Variants in MRPL1 observed in about 807,000 individuals in gnomAD.
MRPL1 encodes the protein large ribosomal subunit protein uL1m.
Under a neutral mutation model 38.0 loss-of-function variants are expected in MRPL1, and 28 were observed. That is an observed-to-expected ratio of 0.74 (90% CI 0.55 to 1.01). The LOEUF is 1.01. Ranked by LOEUF, MRPL1 falls within the 50% of genes least tolerant of loss-of-function variation. MRPL1 has a pLI of 0.00. For missense variants in MRPL1, 358 were observed against 389.8 expected (o/e 0.92, Z 0.69); for synonymous variants, 123 against 126.7 (o/e 0.97, Z 0.20).
intron 3 of MRPL1, among the ~76,000 whole-genome samples, chr4:77,884,211 C>T (rs868713517): frequency 1.7e-4 from 26 of 150,338 alleles, no homozygotes; most frequent in Middle Eastern, 3.4e-3. Context: ...CACCACTGCA[C>T]TCCAGCCTGG....
At chr4:77,884,206 C>T (rs1309017531) in intron 3 of MRPL1, among the ~76,000 whole-genome samples, 9 of 149,818 alleles carry the variant, frequency 6.0e-5, no homozygotes, top group Non-Finnish European at 1.0e-4. Context: ...GGTCGCACCA[C>T]TGCACTCCAG....
intron 7 of MRPL1, among the ~76,000 whole-genome samples, chr4:77,914,032 T>C (rs74915926): frequency 7.9e-5 from 12 of 152,192 alleles, no homozygotes; most frequent in Non-Finnish European, 2.9e-5. Context: ...TGTTATGTTA[T>C]TCTGACTGGT....
intron 1 of MRPL1, among the ~76,000 whole-genome samples, chr4:77,865,650 A>G (rs1470608956): frequency 6.6e-6 from 1 of 152,138 alleles, no homozygotes; most frequent in Non-Finnish European, 1.5e-5. Flanking sequence ...ACAGGCTCTG[A>G]GCCACTGCAC....
At chr4:77,874,972 G>C (rs1448890658) in intron 2 of MRPL1, among the ~76,000 whole-genome samples, 1 of 151,508 alleles carries the variant, frequency 6.6e-6, no homozygotes, top group Non-Finnish European at 1.5e-5. Flanking sequence ...ATTTTTAGTA[G>C]AGATGGGGTT....
At chr4:77,944,227 G>A (rs1737201796) in intron 7 of MRPL1, among the ~76,000 whole-genome samples, 1 of 152,178 alleles carries the variant, frequency 6.6e-6, no homozygotes, top group Admixed American at 6.5e-5. Context: ...AGAGTACTAT[G>A]ATGTGAACTG....
intron 3 of MRPL1, among the ~76,000 whole-genome samples, chr4:77,884,444 C>G (rs1370178661): frequency 6.6e-6 from 1 of 152,192 alleles, no homozygotes; most frequent in Non-Finnish European, 1.5e-5. Flanking sequence ...TGTAAAATCT[C>G]CCTGAGAGAT....
At chr4:77,905,496 C>CAAAAAA (rs374398968) in intron 6 of MRPL1, among the ~76,000 whole-genome samples, 12 of 63,360 alleles carry the variant, frequency 1.9e-4, no homozygotes, top group East Asian at 1.2e-3. Flanking sequence ...GACTCCGTCT[C>CAAAAAA]AAAAAAAAAA....
intron 7 of MRPL1, among the ~76,000 whole-genome samples, chr4:77,942,134 A>C (rs1373333330): frequency 6.6e-6 from 1 of 152,126 alleles, no homozygotes; most frequent in East Asian, 1.9e-4. Context: ...TGTTAACCCT[A>C]TCATCATTCA....
intron 1 of MRPL1, among the ~76,000 whole-genome samples, chr4:77,863,402 C>T (rs1735049035): frequency 6.7e-6 from 1 of 150,038 alleles, no homozygotes; most frequent in Non-Finnish European, 1.5e-5. Context: ...GGTAGCGCCT[C>T]TTTTCATCTT....
At chr4:77,893,744 G>A (rs573662412) in intron 5 of MRPL1, among the ~76,000 whole-genome samples, 17 of 152,148 alleles carry the variant, frequency 1.1e-4, no homozygotes, top group South Asian at 4.2e-4. Flanking sequence ...GCAGTTAGTG[G>A]TTATTAATTT....
At chr4:77,907,646 C>G (rs895354615) in intron 6 of MRPL1, among the ~76,000 whole-genome samples, 2 of 151,900 alleles carry the variant, frequency 1.3e-5, no homozygotes, top group African/African-American at 4.8e-5. Flanking sequence ...CTCACTGCAA[C>G]CTCCGCCTCC....
chr4:77,898,685 G>C (rs1449107332), intron 6 of MRPL1, among the ~76,000 whole-genome samples: 1 of 151,764 alleles, frequency 6.6e-6, no homozygotes, highest in Non-Finnish European at 1.5e-5. Context: ...GTAGAGATGG[G>C]GTTTCACCAT....
At chr4:77,901,680 T>C (rs1736039036) in intron 6 of MRPL1, among the ~76,000 whole-genome samples, 1 of 152,208 alleles carries the variant, frequency 6.6e-6, no homozygotes, top group African/African-American at 2.4e-5. Context: ...ATAATAAGAC[T>C]CATCTTAAAG....
At chr4:77,932,633 T>C in intron 7 of MRPL1, among the ~76,000 whole-genome samples, 1 of 151,360 alleles carries the variant, frequency 6.6e-6, no homozygotes, top group Non-Finnish European at 1.5e-5. Flanking sequence ...ACACTTCAGG[T>C]GTGACTGTCT....
At chr4:77,924,445 C>T (rs1490758475) in intron 7 of MRPL1, among the ~76,000 whole-genome samples, 1 of 152,146 alleles carries the variant, frequency 6.6e-6, no homozygotes, top group East Asian at 1.9e-4. Context: ...TGACTGGACC[C>T]ATCTTTCACT....
intron 6 of MRPL1, among the ~76,000 whole-genome samples, chr4:77,907,966 C>T (rs572069390): frequency 8.7e-5 from 13 of 149,926 alleles, no homozygotes; most frequent in Middle Eastern, 3.4e-3. Flanking sequence ...GGCTCATTCT[C>T]GGCTCACTAC....
At chr4:77,869,147 G>A (rs369655126) in intron 1 of MRPL1, among the ~76,000 whole-genome samples, 3 of 152,252 alleles carry the variant, frequency 2.0e-5, no homozygotes, top group South Asian at 2.1e-4. Context: ...GGATTATAGA[G>A]TCAGGTGAGA....
intron 5 of MRPL1, among the ~76,000 whole-genome samples, chr4:77,891,605 C>T (rs1735808799): frequency 6.6e-6 from 1 of 152,212 alleles, no homozygotes; most frequent in Non-Finnish European, 1.5e-5. Context: ...ATCTGCCCGC[C>T]TTGGCCTCCC....
At chr4:77,870,682 G>T (rs767296283) in intron 1 of MRPL1, among the ~76,000 whole-genome samples, 5 of 152,166 alleles carry the variant, frequency 3.3e-5, no homozygotes, top group Non-Finnish European at 5.9e-5. Flanking sequence ...TTTCTAAAAA[G>T]ATGCATAAGG....
Sources: gnomAD v4.1 joint callset for allele counts (sites outside exome capture counted in the v4.1 genomes callset) on GRCh38, gnomAD v4.1.1 for gene constraint, MANE v1.5 for transcripts, NCBI Gene and HGNC (gene_info 2026-07-23, HGNC 2026-07-21) for gene names.